The following CSMD1 variants were observed in gnomAD, a reference collection of about 807,000 sequenced individuals.
CSMD1 encodes CUB and sushi domain-containing protein 1.
CSMD1 carries 213 observed loss-of-function variants against 417.5 expected under a neutral mutation model. That is an observed-to-expected ratio of 0.51 (90% CI 0.46 to 0.57). The LOEUF is 0.57. CSMD1 is among the 20% of genes least tolerant of loss of function. CSMD1 has a pLI of 0.00. For synonymous variants in CSMD1, 2,862 were observed against 1,736.8 expected (o/e 1.65, Z -16.11); for missense variants, 6,923 against 4,529.7 (o/e 1.53, Z -15.17).
intron 1 of CSMD1, among the ~76,000 whole-genome samples, chr8:4,653,012 G>T (rs1228301591): frequency 2.6e-5 from 4 of 151,980 alleles, no homozygotes; most frequent in Non-Finnish European, 5.9e-5. Context: ...TGTGTGGTCC[G>T]GTTCCTAACA....
chr8:3,645,148 A>C (rs1057377409), intron 7 of CSMD1, among the ~76,000 whole-genome samples: 1 of 152,140 alleles, frequency 6.6e-6, no homozygotes, highest in African/African-American at 2.4e-5. Flanking sequence ...GATGAGTAAC[A>C]TAAGATCAAA....
At chr8:3,486,465 C>T (rs1163209200) in intron 11 of CSMD1, among the ~76,000 whole-genome samples, 1 of 152,162 alleles carries the variant, frequency 6.6e-6, no homozygotes, top group Non-Finnish European at 1.5e-5. Flanking sequence ...ATGCTTTTGA[C>T]TGATGAATTC....
intron 21 of CSMD1, among the ~76,000 whole-genome samples, chr8:3,356,539 G>C (rs995359613): frequency 5.3e-5 from 8 of 152,154 alleles, no homozygotes; most frequent in Non-Finnish European, 1.0e-4. Flanking sequence ...GCCGGGCGTG[G>C]TGGCATGTGC....
At chr8:4,913,467 C>G (rs1805839015) in intron 1 of CSMD1, among the ~76,000 whole-genome samples, 1 of 152,092 alleles carries the variant, frequency 6.6e-6, no homozygotes, top group African/African-American at 2.4e-5. Flanking sequence ...TGGCCATTGT[C>G]CATCAGCATC....
intron 37 of CSMD1, among the ~76,000 whole-genome samples, chr8:3,164,408 T>A (rs915734527): frequency 6.6e-6 from 1 of 152,324 alleles, no homozygotes; most frequent in East Asian, 1.9e-4. Context: ...CATTGGGGCT[T>A]TACATAGAAG....
intron 23 of CSMD1, among the ~76,000 whole-genome samples, chr8:3,341,322 G>A (rs1023298936): frequency 6.6e-6 from 1 of 152,198 alleles, no homozygotes; most frequent in African/African-American, 2.4e-5. Context: ...TATGGAAACA[G>A]CTCAGTATCC....
At chr8:4,483,469 G>T (rs951784694) in intron 2 of CSMD1, among the ~76,000 whole-genome samples, 2 of 152,044 alleles carry the variant, frequency 1.3e-5, no homozygotes, top group African/African-American at 4.8e-5. Flanking sequence ...TAATATAACA[G>T]ACTTCTAATC....
intron 25 of CSMD1, among the ~76,000 whole-genome samples, chr8:3,288,485 T>C (rs56912935): frequency 4.1e-5 from 6 of 147,168 alleles, no homozygotes; most frequent in South Asian, 4.2e-4. Flanking sequence ...GACCCTGTTA[T>C]TGGTCTATTC....
At chr8:4,455,927 TC>T (rs1296745399) in intron 2 of CSMD1, among the ~76,000 whole-genome samples, 2 of 3,752 alleles carry the variant, frequency 5.3e-4, no homozygotes, top group Non-Finnish European at 6.3e-4. Flanking sequence ...AGACTCCAAC[TC>T]CAAAAAAAAA....
At chr8:3,548,757 T>A (rs77694586) in intron 10 of CSMD1, among the ~76,000 whole-genome samples, 1 of 149,460 alleles carries the variant, frequency 6.7e-6, no homozygotes, top group Non-Finnish European at 1.5e-5. Context: ...TTCTAAAGAG[T>A]AAGCCCGGCC....
At chr8:3,783,704 C>T (rs1370852671) in intron 5 of CSMD1, among the ~76,000 whole-genome samples, 2 of 152,200 alleles carry the variant, frequency 1.3e-5, no homozygotes, top group East Asian at 1.9e-4. Flanking sequence ...GCTCCCCTCC[C>T]CTTTGCTCCT....
intron 1 of CSMD1, among the ~76,000 whole-genome samples, chr8:4,699,820 G>C (rs1483176353): frequency 2.6e-5 from 4 of 152,190 alleles, no homozygotes; most frequent in African/African-American, 9.7e-5. Context: ...AACAGGTCTT[G>C]CCGATGCAGA....
At chr8:3,985,789 C>G (rs1468911612) in intron 5 of CSMD1, among the ~76,000 whole-genome samples, 2 of 150,626 alleles carry the variant, frequency 1.3e-5, no homozygotes, top group African/African-American at 4.9e-5. Context: ...GGAGTCTCAC[C>G]CTGTCGCCCA....
At position 2,971,270 on chromosome 8, in the gene CSMD1, C is replaced by G. The variant is rs144604800; in HGVS notation, c.8923+1847G>C. Among the ~76,000 whole-genome samples, 61 of 152,256 alleles carry G rather than the reference C, an allele frequency of 4.0e-4. No homozygotes were observed. In the East Asian group the frequency reaches 0.011, roughly 28 times the overall value. ...TAGATCATCTCAGGGTCAGACTCTA[C>G]CATCTCGGTAACGCCTCTCATAACT... is the stretch of plus-strand genomic sequence containing the variant. On this transcript the variant is annotated intron_variant, in intron 57 of 69. Coordinates refer to ENST00000635120, the MANE Select transcript of CSMD1 (RefSeq NM_033225.6).
chr8:3,979,911 A>C (rs1813725440), intron 5 of CSMD1, among the ~76,000 whole-genome samples: 1 of 152,242 alleles, frequency 6.6e-6, no homozygotes, highest in Non-Finnish European at 1.5e-5. Context: ...GGCATACTCC[A>C]TAAAGACCCT....
At chr8:3,399,593 C>A (rs1242786195) in intron 15 of CSMD1, 64 bp from the exon 16 acceptor site, 36 of 1,289,414 alleles carry the variant, frequency 2.8e-5, no homozygotes, top group East Asian at 2.5e-5. Flanking sequence ...ATAACAATAC[C>A]CGGATAAAAG....
chr8:4,861,583 C>T (rs1178129806), intron 1 of CSMD1, among the ~76,000 whole-genome samples: 1 of 152,110 alleles, frequency 6.6e-6, no homozygotes, highest in Non-Finnish European at 1.5e-5. Context: ...TTAGGATTGT[C>T]AACTGAAGTT....
chr8:2,961,787 T>G (rs1040786743), intron 61 of CSMD1, among the ~76,000 whole-genome samples: 7 of 152,182 alleles, frequency 4.6e-5, no homozygotes, highest in Non-Finnish European at 8.8e-5. Context: ...ACAAAACAGA[T>G]AACTTCTTAA....
intron 23 of CSMD1, among the ~76,000 whole-genome samples, chr8:3,325,349 T>A (rs1806456462): frequency 6.6e-6 from 1 of 152,212 alleles, no homozygotes; most frequent in African/African-American, 2.4e-5. Flanking sequence ...CATTTTAGAT[T>A]TTATAGCATT....
Sources: allele counts gnomAD v4.1 joint callset (sites outside exome capture counted in the v4.1 genomes callset), GRCh38; gene constraint gnomAD v4.1.1; transcripts MANE v1.5; gene names NCBI Gene and HGNC (gene_info 2026-07-23, HGNC 2026-07-21).